DCUN1D2: variants seen among roughly 807,000 people sequenced by gnomAD.
DCUN1D2 encodes defective in cullin neddylation 1 domain containing 2.
DCUN1D2 carries 29 observed loss-of-function variants against 30.9 expected under a neutral mutation model. The ratio of observed to expected loss-of-function variants is 0.94; its 90% CI spans 0.70 to 1.28. The LOEUF is 1.28. Among genes scored for constraint, DCUN1D2 ranks in the 50% most tolerant of loss-of-function variants. The probability of loss-of-function intolerance (pLI) is 0.00; values close to 1 mark genes in which losing one functional copy is unlikely to be tolerated. For synonymous variants in DCUN1D2, 121 were observed against 115.3 expected, an observed-to-expected ratio of 1.05 and a Z score of -0.32; for missense variants, 325 against 316.9, an observed-to-expected ratio of 1.03 and a Z score of -0.19.
At chr13:113,484,553 T>G (rs1029068791) in intron 1 of DCUN1D2, among the ~76,000 whole-genome samples, 1 of 151,988 alleles carries the variant, frequency 6.6e-6, no homozygotes, top group South Asian at 2.1e-4. Flanking sequence ...TAACTAAGAA[T>G]AGCGTTAAAA....
At position 113,488,400 on chromosome 13, in the gene DCUN1D2, AAC is replaced by A. The variant is rs2044844984; in HGVS notation, c.3+2265_3+2266del. ...CCCCTTACAGGTTTCTCCATAAAAT[AAC>A]AGTGATTAAAGCAATGATCGATAGC... On this transcript the variant is annotated intron_variant, in intron 1 of 6. Coordinates refer to ENST00000478244, the MANE Select transcript of DCUN1D2 (RefSeq NM_001014283.2). This position sits in a 1 kb window ranked among gnomAD's most constrained non-coding sequence, Gnocchi z 4.3. 6.6e-6 allele frequency among the ~76,000 whole-genome samples: 1 copy of A among 152,252 alleles called. No individual in the cohort carries two copies. Among genetic ancestry groups the A allele is most frequent in the Admixed American group, 6.5e-5 (1 of 15,290 alleles).
At chr13:113,467,421 C>T (rs112552824) in intron 4 of DCUN1D2, among the ~76,000 whole-genome samples, 13 of 151,602 alleles carry the variant, frequency 8.6e-5, no homozygotes, top group African/African-American at 3.2e-4. Flanking sequence ...TCAAAGACAG[C>T]TTGATGAACT....
At chr13:113,482,819 T>C (rs1011139010) in intron 2 of DCUN1D2, among the ~76,000 whole-genome samples, 1 of 152,144 alleles carries the variant, frequency 6.6e-6, no homozygotes, top group Non-Finnish European at 1.5e-5. Context: ...GGCATGCACC[T>C]GTAGTCCCAG....
In DCUN1D2 at chr13:113,458,747, C is replaced by A. The variant is rs371895458; in HGVS notation, c.700+565G>T. Among the ~76,000 whole-genome samples, 4 of 152,260 alleles carry A rather than the reference C, an allele frequency of 2.6e-5. No homozygotes were observed. The East Asian group carries it at 5.8e-4, about 22-fold the overall frequency. ...ACCCGTTAAAGGCACGGCGCCAGGG[C>A]CCAGAACAGATCACTGCCCGCCGAG... On this transcript the variant is annotated intron_variant, in intron 6 of 6. Coordinates refer to ENST00000478244, the MANE Select transcript of DCUN1D2 (RefSeq NM_001014283.2).
At position 113,456,289 on chromosome 13, in the gene DCUN1D2, T is replaced by C; in HGVS notation, c.*1740A>G. 2.5e-6 allele frequency: 1 copy of C among 398,832 alleles called. No individual in the cohort carries two copies. Among genetic ancestry groups the C allele is most frequent in the Non-Finnish European group, 4.4e-6 (1 of 226,196 alleles). The allele number at this position is 398,832 out of a possible 1,614,324, so 24.7% of individuals were successfully genotyped here. ...CGGGGGCCAGGCGGGGTCTGCAGGC[T>C]GCAGGTCCCTTCCAGTCCTGTCCCT... On this transcript the variant is annotated 3_prime_UTR_variant, in exon 7 of 7. Coordinates refer to ENST00000478244, the MANE Select transcript of DCUN1D2 (RefSeq NM_001014283.2).
rs539196489 is a variant in DCUN1D2, at chr13:113,482,684, C to A, written c.220+1156G>T. On this transcript the variant is annotated intron_variant, in intron 2 of 6. Coordinates refer to ENST00000478244, the MANE Select transcript of DCUN1D2 (RefSeq NM_001014283.2). ...ACTTGGCTGGGTGCGGTGCCTCATG[C>A]CTGTAATCCCAGCACTTTGGGAGGC... is the stretch of plus-strand genomic sequence containing the variant. Among the ~76,000 whole-genome samples the A allele has an allele frequency of 6.6e-4, 101 of 152,282 alleles. 1 individual carries two copies. The highest frequency in any genetic ancestry group is 2.3e-3 in the African/African-American group (94 of 41,546).
At chr13:113,458,725 C>T (rs549072883) in intron 6 of DCUN1D2, among the ~76,000 whole-genome samples, 1 of 152,190 alleles carries the variant, frequency 6.6e-6, no homozygotes, top group African/African-American at 2.4e-5. Context: ...GTAAACCACC[C>T]GTTAAAGGCA....
intron 2 of DCUN1D2, among the ~76,000 whole-genome samples, chr13:113,482,945 AACAC>A (rs375385163): frequency 1.3e-5 from 2 of 151,780 alleles, no homozygotes; most frequent in African/African-American, 4.8e-5. Flanking sequence ...CCGTCACATA[AACAC>A]ACACACACAC....
chr13:113,457,992 A>C lies in DCUN1D2; in HGVS notation c.*37T>G. 3.2e-6 allele frequency: 5 copies of C among 1,576,384 alleles called. No individual in the cohort carries two copies. The highest frequency in any genetic ancestry group is 4.4e-6 in the Non-Finnish European group (5 of 1,145,812). ...GACTGCAATCTCCTTGCAGGATACA[A>C]ATCATTTCATAATCTTACTCCTGCT... On this transcript the variant is annotated 3_prime_UTR_variant, in exon 7 of 7. Coordinates refer to ENST00000478244, the MANE Select transcript of DCUN1D2 (RefSeq NM_001014283.2).
At chr13:113,483,590 G>A (rs1005298923) in intron 2 of DCUN1D2, among the ~76,000 whole-genome samples, 2 of 152,184 alleles carry the variant, frequency 1.3e-5, no homozygotes, top group Non-Finnish European at 2.9e-5. Context: ...CAGAACAAGC[G>A]GGCACGGGCC....
chr13:113,476,543 A>G (rs1443177864), intron 3 of DCUN1D2, among the ~76,000 whole-genome samples: 1 of 152,172 alleles, frequency 6.6e-6, no homozygotes, highest in African/African-American at 2.4e-5. Flanking sequence ...AATTCTTTAT[A>G]TATTAAAGAT....
intron 4 of DCUN1D2, among the ~76,000 whole-genome samples, chr13:113,463,537 A>C (rs1258224367): frequency 5.9e-5 from 9 of 152,064 alleles, no homozygotes; most frequent in Non-Finnish European, 1.2e-4. Flanking sequence ...TTTAAAAAAA[A>C]AAAACAAAAA....
chr13:113,486,696 A>G (rs543611756), intron 1 of DCUN1D2, among the ~76,000 whole-genome samples: 11 of 152,288 alleles, frequency 7.2e-5, no homozygotes, highest in African/African-American at 2.2e-4. Context: ...TGGCCCTCAC[A>G]CGTGCAGGCA....
rs1384682598 is a variant in DCUN1D2, at chr13:113,483,914, T to A, written c.146A>T (p.Asp49Val). 6.2e-7 allele frequency: 1 copy of A among 1,613,818 alleles called. No individual in the cohort carries two copies. Among genetic ancestry groups the A allele is most frequent in the African/African-American group, 1.3e-5 (1 of 74,908 alleles). Residue 49 changes from aspartate (D) to valine (V), a missense_variant, in exon 2 of 7, where the codon GAC becomes GTC. Transcript: ENST00000478244. Reference sequence around the variant, plus strand: ...CCGCATGGACTCCCTGTGGAGCGAGTCTGGGTTTTGGAAGAAGCTGTCCGT... The same window carrying A: ...CCGCATGGACTCCCTGTGGAGCGAGACTGGGTTTTGGAAGAAGCTGTCCGT... ...EATDSFFQNP[D>V]SLHRESMRNA...
chr13:113,458,245 A>G, intron 6 of DCUN1D2, 137 bp from the exon 7 acceptor site: 1 of 784,312 alleles, frequency 1.3e-6, no homozygotes, highest in Non-Finnish European at 2.2e-6. Context: ...GTTTCACAGA[A>G]TGAACCAGCC....
intron 4 of DCUN1D2, among the ~76,000 whole-genome samples, chr13:113,465,653 T>C (rs1455810587): frequency 6.6e-6 from 1 of 150,788 alleles, no homozygotes; most frequent in African/African-American, 2.5e-5. Context: ...CACATCATTA[T>C]TCTCTTGTCT....
chr13:113,474,299 C>T (rs1051489830), intron 3 of DCUN1D2, 45 bp from the exon 4 acceptor site: 1 of 1,604,872 alleles, frequency 6.2e-7, no homozygotes, highest in African/African-American at 1.3e-5. Context: ...ATGCGCCTCC[C>T]TAGTCGACTC....
chr13:113,491,501 C>T (rs898672783), upstream of DCUN1D2, among the ~76,000 whole-genome samples: 1 of 151,326 alleles, frequency 6.6e-6, no homozygotes, highest in African/African-American at 2.4e-5. Context: ...TCCTTCCCTC[C>T]CTCCCTGGGG....
At position 113,490,127 on chromosome 13, in the gene DCUN1D2, C is replaced by G. The variant is rs528579611; in HGVS notation, c.3+540G>C. Among the ~76,000 whole-genome samples the G allele has an allele frequency of 4.4e-4, 67 of 152,334 alleles. No individual in the cohort carries two copies. Among genetic ancestry groups the G allele is most frequent in the African/African-American group, 1.4e-3 (58 of 41,588 alleles). On this transcript the variant is annotated intron_variant, in intron 1 of 6. Transcript: ENST00000478244. This position sits in a 1 kb window ranked among gnomAD's most constrained non-coding sequence, Gnocchi z 5.2. ...CGGAACTCTACCAGCTCCACAGATGCACACCTACAGCCACGCTACAGCTCC... is the reference window on the plus strand; with the variant it reads ...CGGAACTCTACCAGCTCCACAGATGGACACCTACAGCCACGCTACAGCTCC...
Sources: gnomAD v4.1 joint callset for allele counts (sites outside exome capture counted in the v4.1 genomes callset) on GRCh38, gnomAD v4.1.1 for gene constraint, Gnocchi (gnomAD v3.1) non-coding constraint, MANE v1.5 for transcripts, NCBI Gene and HGNC (gene_info 2026-07-23, HGNC 2026-07-21) for gene names.